The following GALNT17 variants were observed in gnomAD, a reference collection of about 807,000 sequenced individuals.
GALNT17 encodes polypeptide N-acetylgalactosaminyltransferase 17.
GALNT17 carries 29 observed loss-of-function variants against 63.7 expected under a neutral mutation model. The observed-to-expected ratio is 0.46, with a 90% CI of 0.34 to 0.62. The LOEUF (loss-of-function observed/expected upper bound fraction) is 0.62, where lower values mean the gene tolerates loss of function less well. Among genes scored for constraint, GALNT17 ranks in the 20% least tolerant of loss-of-function variants. The pLI, the probability that GALNT17 is intolerant of heterozygous loss-of-function variation, is 0.01. For missense variants in GALNT17, 603 were observed against 799.6 expected (o/e 0.75, Z 2.97); for synonymous variants, 305 against 318.3 (o/e 0.96, Z 0.45).
chr7:71,380,235 A>G (rs1792819432), intron 2 of GALNT17, among the ~76,000 whole-genome samples: 1 of 152,156 alleles, frequency 6.6e-6, no homozygotes, highest in Non-Finnish European at 1.5e-5. Flanking sequence ...GGAATGAATG[A>G]GAGGTAAAGA....
chr7:71,205,475 A>G (rs1160121928), intron 1 of GALNT17, among the ~76,000 whole-genome samples: 1 of 152,088 alleles, frequency 6.6e-6, no homozygotes, highest in Non-Finnish European at 1.5e-5. Flanking sequence ...TTCAAGAGAC[A>G]GGTCTCAGTG....
intron 1 of GALNT17, among the ~76,000 whole-genome samples, chr7:71,295,685 A>G (rs1791066108): frequency 2.0e-5 from 3 of 151,738 alleles, no homozygotes; most frequent in Admixed American, 2.0e-4. Flanking sequence ...TGCAGCCTCA[A>G]ATTCCTGGGC....
At chr7:71,415,844 G>T (rs1445908261) in intron 3 of GALNT17, 45 bp from the exon 4 acceptor site, 2 of 1,508,110 alleles carry the variant, frequency 1.3e-6, no homozygotes, top group East Asian at 4.7e-5. Context: ...ATGCAAATTT[G>T]AAATGACATG....
At chr7:71,315,411 A>G (rs1472700323) in intron 1 of GALNT17, among the ~76,000 whole-genome samples, 1 of 152,094 alleles carries the variant, frequency 6.6e-6, no homozygotes, top group Non-Finnish European at 1.5e-5. Flanking sequence ...GTTGGATCAT[A>G]TGGTAATTCC....
intron 1 of GALNT17, among the ~76,000 whole-genome samples, chr7:71,335,166 C>T (rs1358141584): frequency 7.9e-5 from 12 of 152,228 alleles, no homozygotes; most frequent in Admixed American, 7.9e-4. Context: ...GAGTCTTGCT[C>T]TATTGCCCAG....
chr7:71,689,327 C>T (rs1180832452), intron 9 of GALNT17, among the ~76,000 whole-genome samples: 2 of 152,120 alleles, frequency 1.3e-5, no homozygotes, highest in African/African-American at 4.8e-5. Context: ...AATAATTTGC[C>T]AAGTTATGAA....
At chr7:71,215,775 A>G (rs567232015) in intron 1 of GALNT17, among the ~76,000 whole-genome samples, 3 of 152,192 alleles carry the variant, frequency 2.0e-5, no homozygotes, top group Non-Finnish European at 4.4e-5. Flanking sequence ...GCTGGTTAGA[A>G]CAAGGGCAGC....
chr7:71,472,103 G>A (rs1019040317), intron 5 of GALNT17, among the ~76,000 whole-genome samples: 6 of 151,992 alleles, frequency 3.9e-5, no homozygotes, highest in African/African-American at 1.2e-4. Context: ...CCCATTTCCC[G>A]GTTAATACAT....
At chr7:71,621,197 T>C (rs2116971019) in intron 6 of GALNT17, among the ~76,000 whole-genome samples, 1 of 152,260 alleles carries the variant, frequency 6.6e-6, no homozygotes, top group South Asian at 2.1e-4. Flanking sequence ...ATAAACGCAC[T>C]TTCTTCTGAG....
intron 1 of GALNT17, among the ~76,000 whole-genome samples, chr7:71,191,292 G>A (rs971531242): frequency 6.6e-6 from 1 of 151,734 alleles, no homozygotes; most frequent in Non-Finnish European, 1.5e-5. Context: ...GAACTTTATG[G>A]AAATGAAATC....
chr7:71,455,726 C>T lies in GALNT17; in HGVS notation c.962+34621C>T, dbSNP rs1583970149. On this transcript the variant is annotated intron_variant, in intron 5 of 10. Transcript: ENST00000333538. ...GGGGCATAGGGACTTCATCTGAAAT[C>T]TCAAATCCCATGTGGCAAATATCAC... Among the ~76,000 whole-genome samples, 6 of 152,250 alleles carry T rather than the reference C, an allele frequency of 3.9e-5. No homozygotes were observed. In the South Asian group the frequency reaches 1.2e-3, roughly 32 times the overall value.
At chr7:71,672,814 G>A (rs182968238) in intron 8 of GALNT17, among the ~76,000 whole-genome samples, 127 of 152,276 alleles carry the variant, frequency 8.3e-4, no homozygotes, top group African/African-American at 2.7e-3. Flanking sequence ...GCCTCCCAAA[G>A]TACTGGGGTT....
intron 1 of GALNT17, among the ~76,000 whole-genome samples, chr7:71,263,271 A>G (rs1790418502): frequency 1.3e-5 from 2 of 152,042 alleles, no homozygotes; most frequent in African/African-American, 4.8e-5. Flanking sequence ...AGGCAGGAGA[A>G]TCATTTGAAC....
rs144033032 is a variant in GALNT17, at chr7:71,473,698, G to A, written c.962+52593G>A. 2.4e-3 allele frequency among the ~76,000 whole-genome samples: 370 copies of A among 152,180 alleles called. 3 individuals are homozygous for A. The highest frequency in any genetic ancestry group is 8.8e-3 in the African/African-American group (364 of 41,516). On this transcript the variant is annotated intron_variant, in intron 5 of 10. Transcript: ENST00000333538. ...TCTCTGGGGTCCTTTTGGCCCAGAG[G>A]GGCTTCATTCAGTCAGTGGGGTGGC...
At chr7:71,166,832 CT>C (rs1585852387) in intron 1 of GALNT17, among the ~76,000 whole-genome samples, 3 of 151,760 alleles carry the variant, frequency 2.0e-5, no homozygotes, top group Admixed American at 2.0e-4. Context: ...TTTTTTTCCC[CT>C]AGGTAAACAC....
At chr7:71,406,737 GTT>G (rs11413616) in intron 3 of GALNT17, among the ~76,000 whole-genome samples, 1 of 144,288 alleles carries the variant, frequency 6.9e-6, no homozygotes. Flanking sequence ...TTTCCAGGTG[GTT>G]TTTTTTTTTT....
At chr7:71,163,271 G>A (rs1463327547) in intron 1 of GALNT17, among the ~76,000 whole-genome samples, 4 of 152,166 alleles carry the variant, frequency 2.6e-5, no homozygotes, top group Non-Finnish European at 4.4e-5. Context: ...CACTGTTTCT[G>A]ATGCTTATTA....
At chr7:71,405,932 G>A (rs187495783) in intron 3 of GALNT17, among the ~76,000 whole-genome samples, 23 of 152,262 alleles carry the variant, frequency 1.5e-4, no homozygotes, top group Non-Finnish European at 2.5e-4. Context: ...AAATGGGGTC[G>A]ATCGTGCCTT....
At chr7:71,202,298 A>G (rs1789189738) in intron 1 of GALNT17, among the ~76,000 whole-genome samples, 1 of 152,184 alleles carries the variant, frequency 6.6e-6, no homozygotes, top group Admixed American at 6.5e-5. Context: ...CAATATTATA[A>G]CAGGAGTAGA....
Sources: allele counts gnomAD v4.1 joint callset (sites outside exome capture counted in the v4.1 genomes callset), GRCh38; gene constraint gnomAD v4.1.1; transcripts MANE v1.5; gene names NCBI Gene and HGNC (gene_info 2026-07-23, HGNC 2026-07-21).